Variants in PRKD1 observed in about 807,000 individuals in gnomAD.
PRKD1 encodes the protein serine/threonine-protein kinase D1.
A neutral mutation model predicts 95.9 loss-of-function variants in PRKD1; 63 were observed. The ratio of observed to expected loss-of-function variants is 0.66; its 90% CI spans 0.54 to 0.81. The LOEUF is 0.81. PRKD1 is among the 30% of genes least tolerant of loss of function. PRKD1 has a pLI of 0.00. For missense variants in PRKD1, 1,048 were observed against 1,165.3 expected (o/e 0.90, Z 1.47); for synonymous variants, 425 against 423.1 (o/e 1.00, Z -0.05).
chr14:29,845,328 C>T lies in PRKD1; in HGVS notation c.264+81921G>A, dbSNP rs952135408. 3.3e-5 allele frequency among the ~76,000 whole-genome samples: 5 copies of T among 152,120 alleles called. 1 individual carries two copies. Among genetic ancestry groups the T allele is most frequent in the African/African-American group, 2.4e-5 (1 of 41,440 alleles). On this transcript the variant is annotated intron_variant, in intron 1 of 17. Transcript: ENST00000331968. ...CTATTTGTTAATGAATATTAAGGAG[C>T]TATACTATCTTAGACACAAAATCTG...
chr14:29,704,504 G>A (rs900487663), intron 2 of PRKD1, among the ~76,000 whole-genome samples: 4 of 152,026 alleles, frequency 2.6e-5, no homozygotes, highest in Admixed American at 1.3e-4. Context: ...ACACTCTAAG[G>A]AATCCTTCAA....
chr14:29,915,965 G>A (rs1023870723), intron 1 of PRKD1, among the ~76,000 whole-genome samples: 7 of 152,130 alleles, frequency 4.6e-5, no homozygotes, highest in Non-Finnish European at 7.4e-5. Context: ...CTACCACAAA[G>A]GGCTGCTGTG....
intron 2 of PRKD1, among the ~76,000 whole-genome samples, chr14:29,701,006 A>ACACACACACACC (rs1555337080): frequency 2.6e-4 from 13 of 50,666 alleles, no homozygotes; most frequent in African/African-American, 1.4e-3. Flanking sequence ...ACACACACAC[A>ACACACACACACC]CCCTGTTGTG....
rs778489882 is a variant in PRKD1, at chr14:29,725,647, A to G, written c.292T>C (p.Tyr98His). 3 of 1,613,738 alleles carry G rather than the reference A, an allele frequency of 1.9e-6. No homozygotes were observed. The highest frequency in any genetic ancestry group is 1.1e-5 in the South Asian group (1 of 91,072). Residue 98 changes from tyrosine to histidine, a missense_variant, in exon 2 of 18, where the codon TAT becomes CAT. Coordinates refer to ENST00000331968, the MANE Select transcript of PRKD1 (RefSeq NM_002742.3). ...TGGCGAAAAAGCAGGATCTTATCAT[A>G]CATTCCGTAGAAACCACATTCAGGG... Reference protein sequence around the residue: ...KFPECGFYGMYDKILLFRHDP... With the variant: ...KFPECGFYGMHDKILLFRHDP...
chr14:29,894,371 G>T (rs1894045870), intron 1 of PRKD1, among the ~76,000 whole-genome samples: 1 of 152,226 alleles, frequency 6.6e-6, no homozygotes, highest in South Asian at 2.1e-4. Context: ...CTAGATGCAA[G>T]GGGAAGTATA....
At position 29,638,884 on chromosome 14, in the gene PRKD1, C is replaced by T. The variant is rs747926705; in HGVS notation, c.717G>A (p.Ser239=). 1.5e-5 allele frequency: 25 copies of T among 1,613,754 alleles called. No homozygotes were observed. Among genetic ancestry groups the T allele is most frequent in the African/African-American group, 5.3e-5 (4 of 74,862 alleles). The change falls in exon 5 of 18, where the codon TCG becomes TCA. Residue 239 remains serine (S), a synonymous_variant. Transcript: ENST00000331968. The part of the protein sequence containing the change: ...EPLLQKSPSE[S]FIGREKRSNS... ...TTGACCTCTTCTCTCGACCAATAAA[C>T]GACTCTGATGGTGATTTTTGCTACA...
At chr14:29,919,287 T>C (rs1352449057) in intron 1 of PRKD1, among the ~76,000 whole-genome samples, 1 of 152,216 alleles carries the variant, frequency 6.6e-6, no homozygotes, top group African/African-American at 2.4e-5. Flanking sequence ...GGAAGAAACT[T>C]CTACACAGGA....
At chr14:29,663,148 CATAT>C (rs61506580) in intron 4 of PRKD1, among the ~76,000 whole-genome samples, 3,098 of 131,610 alleles carry the variant, frequency 0.024, 107 homozygotes, top group African/African-American at 0.077. Flanking sequence ...AATATTCTTC[CATAT>C]ATATATATAT....
Position 29,725,637 on chromosome 14 carries a change from A to G in PRKD1, c.302T>C (p.Ile101Thr). Residue 101 changes from isoleucine (I) to threonine (T), a missense_variant, in exon 2 of 18, where the codon ATC becomes ACC. By Grantham distance (89) the Ile-to-Thr change is moderately conservative (BLOSUM62 -1). Around this residue, in one of 3 missense-constraint regions of PRKD1, gnomAD observed 275 missense variants for 248.6 expected, o/e 1.11. Coordinates refer to ENST00000331968, the MANE Select transcript of PRKD1 (RefSeq NM_002742.3). Reference sequence around the variant, plus strand: ...GGTAGGGTCATGGCGAAAAAGCAGGATCTTATCATACATTCCGTAGAAACC... The same window carrying G: ...GGTAGGGTCATGGCGAAAAAGCAGGGTCTTATCATACATTCCGTAGAAACC... ...ECGFYGMYDK[I>T]LLFRHDPTSE... The G allele has an allele frequency of 6.2e-7, 1 of 1,613,756 alleles. No individual in the cohort carries two copies. Among genetic ancestry groups the G allele is most frequent in the Non-Finnish European group, 8.5e-7 (1 of 1,179,738 alleles).
intron 6 of PRKD1, among the ~76,000 whole-genome samples, chr14:29,637,619 G>A (rs750002719): frequency 1.3e-5 from 2 of 152,262 alleles, no homozygotes; most frequent in African/African-American, 2.4e-5. Context: ...AAAGTGGGAC[G>A]ATCGCCAAGC....
At chr14:29,860,857 T>A (rs745781347) in intron 1 of PRKD1, among the ~76,000 whole-genome samples, 1 of 152,154 alleles carries the variant, frequency 6.6e-6, no homozygotes, top group Non-Finnish European at 1.5e-5. Context: ...CAAATTTAGG[T>A]TATTTGACTC....
intron 2 of PRKD1, among the ~76,000 whole-genome samples, chr14:29,689,462 C>CA (rs1192005285): frequency 1.3e-5 from 2 of 151,506 alleles, no homozygotes; most frequent in East Asian, 3.9e-4. Context: ...GAAACAACAA[C>CA]AACAAAAAAA....
intron 1 of PRKD1, among the ~76,000 whole-genome samples, chr14:29,827,386 G>T (rs560993343): frequency 3.3e-5 from 5 of 152,162 alleles, no homozygotes; most frequent in African/African-American, 9.6e-5. Flanking sequence ...GTTATGGTTA[G>T]ATGGCACAAA....
chr14:29,860,395 G>A (rs986569095), intron 1 of PRKD1, among the ~76,000 whole-genome samples: 18 of 152,150 alleles, frequency 1.2e-4, no homozygotes, highest in African/African-American at 3.6e-4. Flanking sequence ...TTAATGTAAG[G>A]CAAGATAGGT....
chr14:29,740,063 T>C (rs1886916873), intron 1 of PRKD1, among the ~76,000 whole-genome samples: 2 of 152,188 alleles, frequency 1.3e-5, no homozygotes, highest in South Asian at 2.1e-4. Context: ...TAAAAACATA[T>C]TATCTTGCAT....
intron 2 of PRKD1, among the ~76,000 whole-genome samples, chr14:29,696,315 G>C (rs1296734924): frequency 6.6e-6 from 1 of 152,118 alleles, no homozygotes; most frequent in Non-Finnish European, 1.5e-5. Context: ...CTTAGTTGAA[G>C]AGATAAAATG....
At chr14:29,870,611 T>C (rs1893069728) in intron 1 of PRKD1, among the ~76,000 whole-genome samples, 1 of 152,216 alleles carries the variant, frequency 6.6e-6, no homozygotes, top group African/African-American at 2.4e-5. Flanking sequence ...AAAATTCCTT[T>C]CATTTGCTTT....
At chr14:29,741,092 T>A (rs909113357) in intron 1 of PRKD1, among the ~76,000 whole-genome samples, 11 of 151,952 alleles carry the variant, frequency 7.2e-5, no homozygotes, top group African/African-American at 2.7e-4. Flanking sequence ...CAACAGACAT[T>A]ATTGGGGCCT....
intron 13 of PRKD1, among the ~76,000 whole-genome samples, chr14:29,610,947 A>T (rs1426407842): frequency 6.6e-6 from 1 of 152,252 alleles, no homozygotes; most frequent in Non-Finnish European, 1.5e-5. Context: ...ATTCTGGAAA[A>T]GACAAAAAGA....
Sources: gnomAD v4.1 joint callset for allele counts (sites outside exome capture counted in the v4.1 genomes callset) on GRCh38, gnomAD v4.1.1 for gene constraint, gnomAD v4.1.1 regional missense constraint, MANE v1.5 for transcripts, NCBI Gene and HGNC (gene_info 2026-07-23, HGNC 2026-07-21) for gene names.